Variants in ERBB3 observed in about 807,000 individuals in gnomAD.
The protein encoded by ERBB3 is erb-b2 receptor tyrosine kinase 3.
In ERBB3, 96 loss-of-function variants were observed where a neutral mutation model predicts 156.7. The ratio of observed to expected loss-of-function variants is 0.61; its 90% CI spans 0.52 to 0.73. ERBB3 has a LOEUF of 0.73. ERBB3 is among the 30% of genes least tolerant of loss of function. The pLI, the probability that ERBB3 is intolerant of heterozygous loss-of-function variation, is 0.00. For missense variants in ERBB3, 1,406 were observed against 1,709.4 expected (o/e 0.82, Z 3.13); for synonymous variants, 567 against 632.0 (o/e 0.90, Z 1.54).
chr12:56,090,866 A>G (rs912530223), intron 9 of ERBB3, among the ~76,000 whole-genome samples: 4 of 152,160 alleles, frequency 2.6e-5, no homozygotes, highest in Admixed American at 2.6e-4. Flanking sequence ...TCGGAAAATT[A>G]ACATTAACAC....
At chr12:56,088,265 G>C (rs1868553316) in intron 7 of ERBB3, 103 bp downstream of exon 7, 1 of 1,307,746 alleles carries the variant, frequency 7.6e-7, no homozygotes, top group African/African-American at 1.5e-5. Context: ...TAAATAGGGA[G>C]ATTGGTGAAT....
rs772436902 is a variant in ERBB3, at chr12:56,085,009, G to T, written c.249G>T (p.Val83=). 4 of 1,614,112 alleles carry T rather than the reference G, an allele frequency of 2.5e-6. No homozygotes were observed. The South Asian group carries it at 4.4e-5, about 18-fold the overall frequency. ...DLSFLQWIRE[V]TGYVLVAMNE... ...CTCTGTCACAGTGGATTCGAGAAGTGACAGGCTATGTCCTCGTGGCCATGA... is the reference window on the plus strand; with the variant it reads ...CTCTGTCACAGTGGATTCGAGAAGTTACAGGCTATGTCCTCGTGGCCATGA... Residue 83 remains valine (V), a synonymous_variant, in exon 3 of 28, where the codon GTG becomes GTT. Coordinates refer to ENST00000267101, the MANE Select transcript of ERBB3 (RefSeq NM_001982.4).
In ERBB3 at chr12:56,101,633, A is replaced by G. The variant is rs1391637476; in HGVS notation, c.3607A>G (p.Arg1203Gly). 1.2e-6 allele frequency: 2 copies of G among 1,613,940 alleles called. No individual in the cohort carries two copies. Among genetic ancestry groups the G allele is most frequent in the East Asian group, 2.2e-5 (1 of 44,864 alleles). Residue 1203 changes from arginine (R) to glycine (G), a missense_variant, in exon 28 of 28, where the codon AGG (arginine) becomes GGG (glycine). By Grantham distance (125) the Arg-to-Gly change is moderately radical. Coordinates refer to ENST00000267101, the MANE Select transcript of ERBB3 (RefSeq NM_001982.4). Reference sequence around the variant, plus strand: ...TGAGGAGTATGAATACATGAACCGGAGGAGAAGGCACAGTCCACCTCATCC... The same window carrying G: ...TGAGGAGTATGAATACATGAACCGGGGGAGAAGGCACAGTCCACCTCATCC... ...EDEEYEYMNR[R>G]RRHSPPHPPR...
At chr12:56,093,956 C>A (rs1221137500) in intron 13 of ERBB3, 60 bp downstream of exon 13, 1 of 1,605,264 alleles carries the variant, frequency 6.2e-7, no homozygotes. Flanking sequence ...TGGAACTGTT[C>A]AGGTGGCATA....
intron 20 of ERBB3, among the ~76,000 whole-genome samples, chr12:56,097,481 T>G (rs1402476367): frequency 6.6e-6 from 1 of 152,140 alleles, no homozygotes; most frequent in African/African-American, 2.4e-5. Flanking sequence ...TCCTGTCAGA[T>G]CAGGGGCAGC....
At chr12:56,096,380 A>C in intron 17 of ERBB3, 123 bp from the exon 18 acceptor site, 1 of 1,204,428 alleles carries the variant, frequency 8.3e-7, no homozygotes, top group Non-Finnish European at 1.2e-6. Flanking sequence ...TTCCAGGACT[A>C]ACGGTGCTTC....
intron 16 of ERBB3, 163 bp from the exon 17 acceptor site, chr12:56,095,502 A>C (rs1038631677): frequency 5.2e-6 from 5 of 953,660 alleles, no homozygotes. Flanking sequence ...CAGTAGTCTA[A>C]GACTGGTCCA....
Position 56,098,891 on chromosome 12 carries a change from T to G in ERBB3, c.2825T>G (p.Met942Arg). Reference protein sequence around the residue: ...QPQICTIDVYMVMVKCWMIDE... With the variant: ...QPQICTIDVYRVMVKCWMIDE... ...CAGATCTGCACAATTGATGTCTACA[T>G]GGTGATGGTCAAGTGTGAGTTACCT... The change falls in exon 23 of 28, where the codon ATG (methionine) becomes AGG (arginine). Residue 942 changes from methionine to arginine, a missense_variant. This residue lies in a region of ERBB3 where 979 missense variants were observed against 1,219.6 expected (regional missense o/e 0.80). Transcript: ENST00000267101. 1 of 1,613,904 alleles carries G rather than the reference T, an allele frequency of 6.2e-7. No homozygotes were observed. Among genetic ancestry groups the G allele is most frequent in the Non-Finnish European group, 8.5e-7 (1 of 1,179,954 alleles).
At chr12:56,099,269 T>C (rs1031964471) in intron 23 of ERBB3, among the ~76,000 whole-genome samples, 1 of 150,712 alleles carries the variant, frequency 6.6e-6, no homozygotes, top group South Asian at 2.1e-4. Flanking sequence ...CTGCAGCCAT[T>C]TTCTGACTTC....
chr12:56,080,968 G>A (rs1195390614), intron 1 of ERBB3, among the ~76,000 whole-genome samples: 1 of 152,216 alleles, frequency 6.6e-6, no homozygotes, highest in East Asian at 1.9e-4. Flanking sequence ...CATCAGGCAG[G>A]AGGCCCAACA....
At chr12:56,096,901 T>C in intron 19 of ERBB3, 55 bp downstream of exon 19, 4 of 1,448,684 alleles carry the variant, frequency 2.8e-6, no homozygotes, top group Non-Finnish European at 3.9e-6. Context: ...TTAGATACAA[T>C]CATGTAGAAG....
At position 56,095,660 on chromosome 12, in the gene ERBB3, C is replaced by T. The variant is rs902763818; in HGVS notation, c.1914-5C>T. Reference sequence around the variant, plus strand: ...GATAATGTTGGGTTTCTATATATCCCATAGCAAAACCCATCTGACAATGGC... The same window carrying T: ...GATAATGTTGGGTTTCTATATATCCTATAGCAAAACCCATCTGACAATGGC... On this transcript the variant is annotated splice_polypyrimidine_tract_variant and splice_region_variant and intron_variant, in intron 16 of 27. Coordinates refer to ENST00000267101, the MANE Select transcript of ERBB3 (RefSeq NM_001982.4). 1 of 1,614,054 alleles carries T rather than the reference C, an allele frequency of 6.2e-7. No homozygotes were observed. Among genetic ancestry groups the T allele is most frequent in the Non-Finnish European group, 8.5e-7 (1 of 1,179,962 alleles).
intron 16 of ERBB3, 159 bp from the exon 17 acceptor site, chr12:56,095,506 T>G (rs898216120): frequency 6.2e-6 from 6 of 964,444 alleles, no homozygotes; most frequent in Non-Finnish European, 9.8e-6. Flanking sequence ...AGTCTAAGAC[T>G]GGTCCAGATT....
rs563414938 is a variant in ERBB3 at position 56,098,395 on chromosome 12, G to A, written c.2617-105G>A. 1.7e-4 allele frequency: 146 copies of A among 876,428 alleles called. 1 individual carries two copies. The African/African-American group carries it at 2.3e-3, about 14-fold the overall frequency. 54.3% of individuals were successfully genotyped at this position (876,428 alleles called of 1,614,324 possible). A position where few individuals can be genotyped will look rare whatever the true frequency, so the allele number is the denominator to read the frequency against. On this transcript the variant is annotated intron_variant, in intron 21 of 27. Transcript: ENST00000267101. ...CCACTGCACTCCAGTCTGGGCGACA[G>A]AGCGAGACTCCGTCTCAAAAAAAAA...
intron 26 of ERBB3, 64 bp from the exon 27 acceptor site, chr12:56,100,997 A>G: frequency 3.0e-5 from 33 of 1,105,628 alleles, no homozygotes; most frequent in African/African-American, 4.7e-5. Flanking sequence ...TTCTAAACAA[A>G]TCTCTCTTCT....
intron 26 of ERBB3, among the ~76,000 whole-genome samples, chr12:56,100,469 C>T (rs557858969): frequency 6.6e-6 from 1 of 151,844 alleles, no homozygotes; most frequent in South Asian, 2.1e-4. Context: ...TGGTGAAACC[C>T]CGTCTCTACC....
intron 19 of ERBB3, 26 bp downstream of exon 19, chr12:56,096,872 G>T (rs181291405): frequency 2.6e-6 from 4 of 1,546,642 alleles, no homozygotes; most frequent in Non-Finnish European, 3.6e-6. Context: ...TCTGTATGCC[G>T]CTAGGAGAGA....
At position 56,080,251 on chromosome 12, in the gene ERBB3, G is replaced by C. The variant is rs376536781; in HGVS notation, c.-50G>C. The C allele has an allele frequency of 6.8e-7, 1 of 1,471,190 alleles. No individual in the cohort carries two copies. Among genetic ancestry groups the C allele is most frequent in the African/African-American group, 1.4e-5 (1 of 71,688 alleles). 91.1% of individuals were successfully genotyped at this position (1,471,190 alleles called of 1,614,324 possible). ...GCTCTTGCCTCGATGTCCTAGCCTA[G>C]GGGCCCCCGGGCCGGACTTGGCTGG... On this transcript the variant is annotated 5_prime_UTR_variant, in exon 1 of 28. Coordinates refer to ENST00000267101, the MANE Select transcript of ERBB3 (RefSeq NM_001982.4).
At position 56,098,755 on chromosome 12, in the gene ERBB3, A is replaced by T. The variant is rs1052636887; in HGVS notation, c.2693-4A>T. On this transcript the variant is annotated splice_region_variant and splice_polypyrimidine_tract_variant and intron_variant, in intron 22 of 27. Coordinates refer to ENST00000267101, the MANE Select transcript of ERBB3 (RefSeq NM_001982.4). ...AGTGACTAGTCCATGTCTTCCTGCA[A>T]CAGGTGTGACAGTTTGGGAGTTGAT... The T allele has an allele frequency of 2.5e-6, 4 of 1,614,026 alleles. No homozygotes were observed. In the African/African-American group the frequency reaches 4.0e-5, roughly 16 times the overall value.
Sources: gnomAD v4.1 joint callset for allele counts (sites outside exome capture counted in the v4.1 genomes callset) on GRCh38, gnomAD v4.1.1 for gene constraint, gnomAD v4.1.1 regional missense constraint, MANE v1.5 for transcripts, NCBI Gene and HGNC (gene_info 2026-07-23, HGNC 2026-07-21) for gene names.